Variants in FRMD4B observed in about 807,000 individuals in gnomAD.
FRMD4B encodes the protein FERM domain containing 4B.
A neutral mutation model predicts 141.5 loss-of-function variants in FRMD4B; 74 were observed. That is an observed-to-expected ratio of 0.52 (90% CI 0.43 to 0.63). The LOEUF is 0.63. Ranked by LOEUF, FRMD4B falls within the 30% of genes least tolerant of loss-of-function variation. The pLI, the probability that FRMD4B is intolerant of heterozygous loss-of-function variation, is 0.00. For missense variants in FRMD4B, 1,366 were observed against 1,253.4 expected (o/e 1.09, Z -1.36); for synonymous variants, 506 against 467.9 (o/e 1.08, Z -1.05).
chr3:69,233,362 T>C (rs1246793857), intron 7 of FRMD4B, among the ~76,000 whole-genome samples: 1 of 151,590 alleles, frequency 6.6e-6, no homozygotes, highest in African/African-American at 2.4e-5. Context: ...CACACGCCTG[T>C]AGTCCCAGGT....
At position 69,313,063 on chromosome 3, in the gene FRMD4B, G is replaced by A. The variant is rs187233929; in HGVS notation, c.228+389C>T. On this transcript the variant is annotated intron_variant, in intron 2 of 22. Coordinates refer to ENST00000398540, the MANE Select transcript of FRMD4B (RefSeq NM_015123.3). ...TTCACTTGCACAATGCCATGTAGCTGGACAGTGGCAGACAGATTCTCACCT... is the reference window on the plus strand; with the variant it reads ...TTCACTTGCACAATGCCATGTAGCTAGACAGTGGCAGACAGATTCTCACCT... Among the ~76,000 whole-genome samples the A allele has an allele frequency of 4.8e-4, 73 of 152,238 alleles. 1 individual carries two copies. Among genetic ancestry groups the A allele is most frequent in the Admixed American group, 1.1e-3 (17 of 15,286 alleles).
intron 5 of FRMD4B, among the ~76,000 whole-genome samples, chr3:69,271,956 C>T (rs1384974338): frequency 6.6e-6 from 1 of 151,972 alleles, no homozygotes; most frequent in Non-Finnish European, 1.5e-5. Context: ...GCCTGGGTGA[C>T]AGAGTGAGAC....
At chr3:69,422,802 A>G (rs1249558785) in intron 2 of FRMD4B, among the ~76,000 whole-genome samples, 1 of 76,680 alleles carries the variant, frequency 1.3e-5, no homozygotes, top group Non-Finnish European at 3.2e-5. Context: ...ATGAAAAAGG[A>G]AAAAAAAAAC....
At chr3:69,456,733 TAAAA>T (rs60484143) in intron 1 of FRMD4B, among the ~76,000 whole-genome samples, 11 of 129,166 alleles carry the variant, frequency 8.5e-5, no homozygotes, top group Non-Finnish European at 1.2e-4. Flanking sequence ...TCCATTTTTG[TAAAA>T]AAAAAAAAAA....
intron 1 of FRMD4B, among the ~76,000 whole-genome samples, chr3:69,478,783 C>T (rs1414541460): frequency 6.6e-6 from 1 of 152,060 alleles, no homozygotes; most frequent in Non-Finnish European, 1.5e-5. Flanking sequence ...TCTCGTTGAT[C>T]TGTCTAAAGT....
intron 1 of FRMD4B, among the ~76,000 whole-genome samples, chr3:69,460,554 T>C (rs1705693852): frequency 1.3e-5 from 2 of 152,190 alleles, no homozygotes. Flanking sequence ...TGGAAAGCGT[T>C]TTAAAATATA....
At chr3:69,319,504 T>C (rs1257602493) in intron 1 of FRMD4B, among the ~76,000 whole-genome samples, 8 of 152,198 alleles carry the variant, frequency 5.3e-5, no homozygotes, top group Admixed American at 4.6e-4. Flanking sequence ...AACAAGCATA[T>C]GGCAGAAAAA....
chr3:69,262,789 C>T (rs2093536432), intron 5 of FRMD4B, among the ~76,000 whole-genome samples: 1 of 151,860 alleles, frequency 6.6e-6, no homozygotes, highest in Admixed American at 6.6e-5. Flanking sequence ...TATATTCATA[C>T]TATATACTAC....
chr3:69,256,950 G>T (rs1330482743), intron 5 of FRMD4B, among the ~76,000 whole-genome samples: 1 of 152,150 alleles, frequency 6.6e-6, no homozygotes, highest in Non-Finnish European at 1.5e-5. Context: ...CAGCACAACT[G>T]ATATTTTGAG....
chr3:69,183,450 T>C (rs80175306), intron 19 of FRMD4B, among the ~76,000 whole-genome samples: 3,014 of 151,032 alleles, frequency 0.02, 120 homozygotes, highest in African/African-American at 0.068. Context: ...CTTCCCAGCA[T>C]GGTGACAACA....
chr3:69,431,992 C>T (rs1297789092), intron 2 of FRMD4B, among the ~76,000 whole-genome samples: 1 of 152,168 alleles, frequency 6.6e-6, no homozygotes, highest in African/African-American at 2.4e-5. Flanking sequence ...GCCTACATGC[C>T]TGGCAGTTTG....
intron 7 of FRMD4B, among the ~76,000 whole-genome samples, chr3:69,226,610 CTA>C (rs746320211): frequency 1.3e-4 from 20 of 152,106 alleles, no homozygotes; most frequent in Non-Finnish European, 2.5e-4. Flanking sequence ...GAACCATAGG[CTA>C]TGTTTCAAGA....
chr3:69,364,498 T>C (rs1390453030), intron 1 of FRMD4B, among the ~76,000 whole-genome samples: 5 of 152,228 alleles, frequency 3.3e-5, no homozygotes, highest in Non-Finnish European at 7.3e-5. Flanking sequence ...CCTGCAGCAA[T>C]TCCAGTTTGC....
At chr3:69,455,316 A>T (rs55824417) in intron 1 of FRMD4B, among the ~76,000 whole-genome samples, 2 of 151,934 alleles carry the variant, frequency 1.3e-5, no homozygotes, top group Non-Finnish European at 2.9e-5. Context: ...TTGTTCTTTC[A>T]CTCTTTGCAA....
At position 69,275,561 on chromosome 3, in the gene FRMD4B, T is replaced by C. The variant is rs527391743; in HGVS notation, c.501+12191A>G. 2.0e-5 allele frequency among the ~76,000 whole-genome samples: 3 copies of C among 151,942 alleles called. No individual in the cohort carries two copies. In the East Asian group the frequency reaches 5.8e-4, roughly 29 times the overall value. ...TTCCAGTGATCCTCCTGCCTTGCCA[T>C]TCCAAGTAGCTAGGACCACAGGCAT... On this transcript the variant is annotated intron_variant, in intron 5 of 22. Transcript: ENST00000398540.
chr3:69,326,119 A>AT (rs371350022), intron 1 of FRMD4B, among the ~76,000 whole-genome samples: 29,913 of 133,576 alleles, frequency 0.22, 4,799 homozygotes, highest in African/African-American at 0.44. Context: ...TGGCTAATCA[A>AT]TTTTTTTTTT....
At chr3:69,359,480 A>T (rs1270765957) in intron 1 of FRMD4B, among the ~76,000 whole-genome samples, 1 of 152,220 alleles carries the variant, frequency 6.6e-6, no homozygotes, top group Non-Finnish European at 1.5e-5. Context: ...ACCGATAAGG[A>T]ACATTTAAGT....
At chr3:69,447,645 A>G (rs1353366138) in intron 1 of FRMD4B, among the ~76,000 whole-genome samples, 10 of 152,196 alleles carry the variant, frequency 6.6e-5, no homozygotes, top group Non-Finnish European at 1.5e-4. Flanking sequence ...GAAGATAACA[A>G]AACATTTTTC....
intron 1 of FRMD4B, among the ~76,000 whole-genome samples, chr3:69,517,576 A>G (rs1004989228): frequency 6.6e-6 from 1 of 152,202 alleles, no homozygotes. Context: ...TAAGCAGTCC[A>G]AAACTATCAA....
Sources: allele counts gnomAD v4.1 joint callset (sites outside exome capture counted in the v4.1 genomes callset), GRCh38; gene constraint gnomAD v4.1.1; transcripts MANE v1.5; gene names NCBI Gene and HGNC (gene_info 2026-07-23, HGNC 2026-07-21).